EXOC6B: variants seen among roughly 807,000 people sequenced by gnomAD.
EXOC6B encodes the protein exocyst complex component 6B, also known as SEC15 homolog B.
Under a neutral mutation model 113.5 loss-of-function variants are expected in EXOC6B, and 54 were observed. The observed-to-expected ratio is 0.48, with a 90% confidence interval of 0.38 to 0.60. The LOEUF is 0.60. Among genes scored for constraint, EXOC6B ranks in the 20% least tolerant of loss-of-function variants. The pLI is 0.00. For missense variants in EXOC6B, 797 were observed against 977.5 expected (o/e 0.82, Z 2.46); for synonymous variants, 357 against 339.0 (o/e 1.05, Z -0.58).
intron 19 of EXOC6B, among the ~76,000 whole-genome samples, chr2:72,344,790 C>T (rs911809263): frequency 2.0e-5 from 3 of 151,536 alleles, no homozygotes; most frequent in African/African-American, 4.9e-5. Flanking sequence ...TGTTTGGCTC[C>T]CAAATGGGGA....
chr2:72,442,023 T>C (rs1696234302), intron 18 of EXOC6B, among the ~76,000 whole-genome samples: 1 of 152,168 alleles, frequency 6.6e-6, no homozygotes, highest in Admixed American at 6.5e-5. Flanking sequence ...GCAAATCAAA[T>C]CGAGCAGCGC....
intron 6 of EXOC6B, among the ~76,000 whole-genome samples, chr2:72,659,341 A>G (rs1033377758): frequency 6.6e-6 from 1 of 152,084 alleles, no homozygotes; most frequent in Non-Finnish European, 1.5e-5. Context: ...ACTGACCTCA[A>G]AAAAAGAAGA....
At chr2:72,240,866 CATATT>C (rs1391535362) in intron 20 of EXOC6B, among the ~76,000 whole-genome samples, 7 of 152,142 alleles carry the variant, frequency 4.6e-5, no homozygotes, top group African/African-American at 1.7e-4. Context: ...ATCAGGAAGT[CATATT>C]AGACACATCA....
intron 20 of EXOC6B, among the ~76,000 whole-genome samples, chr2:72,187,837 G>A (rs1678540525): frequency 1.3e-5 from 2 of 152,182 alleles, no homozygotes; most frequent in Admixed American, 6.5e-5. Context: ...GCCCCATTCT[G>A]CCCAGGAACC....
chr2:72,800,490 CT>C (rs1284411594), intron 1 of EXOC6B, among the ~76,000 whole-genome samples: 1 of 152,056 alleles, frequency 6.6e-6, no homozygotes, highest in Non-Finnish European at 1.5e-5. Context: ...AAAAATGTTT[CT>C]TTTTATACTA....
At chr2:72,342,442 A>G (rs528923410) in intron 19 of EXOC6B, among the ~76,000 whole-genome samples, 1 of 152,312 alleles carries the variant, frequency 6.6e-6, no homozygotes, top group African/African-American at 2.4e-5. Flanking sequence ...AGTGCGCAAA[A>G]TCAAAAGTCA....
chr2:72,627,810 C>T (rs1473045873), intron 6 of EXOC6B, among the ~76,000 whole-genome samples: 4 of 152,186 alleles, frequency 2.6e-5, no homozygotes, highest in African/African-American at 7.2e-5. Context: ...CCAGGCAGGA[C>T]TCAAACTCCT....
At chr2:72,182,343 T>C (rs1678143341) in intron 21 of EXOC6B, among the ~76,000 whole-genome samples, 1 of 152,014 alleles carries the variant, frequency 6.6e-6, no homozygotes, top group South Asian at 2.1e-4. Flanking sequence ...GAGATGTAAA[T>C]AACTGAAGGG....
At chr2:72,526,471 T>C (rs1483649103) in intron 8 of EXOC6B, among the ~76,000 whole-genome samples, 1 of 152,028 alleles carries the variant, frequency 6.6e-6, no homozygotes, top group African/African-American at 2.4e-5. Context: ...TAAATGTATG[T>C]AATGGATATT....
intron 6 of EXOC6B, among the ~76,000 whole-genome samples, chr2:72,635,187 C>A (rs1191812451): frequency 6.6e-6 from 1 of 151,880 alleles, no homozygotes; most frequent in Non-Finnish European, 1.5e-5. Flanking sequence ...TTCTAAAATA[C>A]ACAGAAGGAA....
At chr2:72,805,221 C>G (rs1685516782) in intron 1 of EXOC6B, among the ~76,000 whole-genome samples, 1 of 152,178 alleles carries the variant, frequency 6.6e-6, no homozygotes, top group Admixed American at 6.5e-5. Context: ...GAAATAAAAA[C>G]ACAATGATGA....
At chr2:72,613,947 G>A (rs903304236) in intron 6 of EXOC6B, among the ~76,000 whole-genome samples, 2 of 152,124 alleles carry the variant, frequency 1.3e-5, no homozygotes, top group South Asian at 4.1e-4. Context: ...TCAAATTTCA[G>A]TGTATAAAAA....
At chr2:72,219,030 C>G (rs1680706468) in intron 20 of EXOC6B, among the ~76,000 whole-genome samples, 1 of 151,222 alleles carries the variant, frequency 6.6e-6, no homozygotes, top group Non-Finnish European at 1.5e-5. Flanking sequence ...GTCTTAGTAA[C>G]TTAATTGTAC....
At chr2:72,642,510 G>A (rs1183275218) in intron 6 of EXOC6B, among the ~76,000 whole-genome samples, 2 of 148,118 alleles carry the variant, frequency 1.4e-5, no homozygotes, top group Admixed American at 6.8e-5. Context: ...ACAAGCAATG[G>A]GGAAAGGATT....
intron 6 of EXOC6B, among the ~76,000 whole-genome samples, chr2:72,650,165 T>G (rs1396404652): frequency 2.0e-5 from 3 of 152,226 alleles, no homozygotes; most frequent in Non-Finnish European, 4.4e-5. Context: ...CTAGGTTGTG[T>G]GCTCCTTATG....
At chr2:72,187,074 C>T (rs1227805631) in intron 20 of EXOC6B, among the ~76,000 whole-genome samples, 1 of 152,148 alleles carries the variant, frequency 6.6e-6, no homozygotes, top group African/African-American at 2.4e-5. Context: ...TGGGTGCTGC[C>T]ATGGGGTGGG....
At chr2:72,770,076 G>A (rs1024225730) in intron 1 of EXOC6B, among the ~76,000 whole-genome samples, 1 of 152,012 alleles carries the variant, frequency 6.6e-6, no homozygotes, top group Non-Finnish European at 1.5e-5. Context: ...GTTCACATAA[G>A]TCCTTCTTAA....
At chr2:72,789,573 T>C (rs1684562251) in intron 1 of EXOC6B, among the ~76,000 whole-genome samples, 1 of 152,230 alleles carries the variant, frequency 6.6e-6, no homozygotes, top group South Asian at 2.1e-4. Flanking sequence ...TGTATCATGA[T>C]TAATGTTCAT....
rs910411473 is a variant in EXOC6B at position 72,250,454 on chromosome 2, T to C, written c.2197-66267A>G. On this transcript the variant is annotated intron_variant, in intron 20 of 21. Coordinates refer to ENST00000272427, the MANE Select transcript of EXOC6B (RefSeq NM_015189.3). The stretch of plus-strand genomic sequence containing the variant: ...GCCTCATGAGCTCAAGCAATCCTCT[T>C]AGGTCATCCTCCTGAGTAGCTGGGA... 2.0e-5 allele frequency among the ~76,000 whole-genome samples: 3 copies of C among 152,266 alleles called. No individual in the cohort carries two copies. The East Asian group carries it at 5.8e-4, about 29-fold the overall frequency.
Sources: gnomAD v4.1 joint callset for allele counts (sites outside exome capture counted in the v4.1 genomes callset) on GRCh38, gnomAD v4.1.1 for gene constraint, MANE v1.5 for transcripts, NCBI Gene and HGNC (gene_info 2026-07-23, HGNC 2026-07-21) for gene names.